TMC2: variants seen among roughly 807,000 people sequenced by gnomAD.
The protein encoded by TMC2 is transmembrane channel-like protein 2.
Under a neutral mutation model 105.9 loss-of-function variants are expected in TMC2, and 102 were observed. The observed-to-expected ratio is 0.96, with a 90% CI of 0.82 to 1.14. The LOEUF is 1.14. TMC2 is among the 50% of genes most tolerant of loss of function. TMC2 has a pLI of 0.00. For missense variants in TMC2, 1,093 were observed against 1,134.3 expected (o/e 0.96, Z 0.52); for synonymous variants, 402 against 422.8 (o/e 0.95, Z 0.60).
At chr20:2,581,572 A>G (rs934688458) in intron 7 of TMC2, among the ~76,000 whole-genome samples, 15 of 152,270 alleles carry the variant, frequency 9.9e-5, no homozygotes, top group African/African-American at 3.6e-4. Context: ...ATAGTCAGGT[A>G]AATATGAAAT....
intron 7 of TMC2, among the ~76,000 whole-genome samples, chr20:2,589,968 C>T (rs1301980333): frequency 1.3e-5 from 2 of 152,098 alleles, no homozygotes; most frequent in Non-Finnish European, 2.9e-5. Context: ...CGCGCATGGC[C>T]GGCAGTATTG....
chr20:2,643,061 A>C lies in TMC2; in HGVS notation c.*1710A>C, dbSNP rs147814681. On this transcript the variant is annotated 3_prime_UTR_variant, in exon 20 of 20. Transcript: ENST00000358864. ...GCACCAAAACTTCACATATATATAC[A>C]AACTGCAATGGAATAATAGGGACAT... 9.6e-4 allele frequency among the ~76,000 whole-genome samples: 146 copies of C among 152,324 alleles called. 1 individual carries two copies. The highest frequency in any genetic ancestry group is 3.4e-3 in the African/African-American group (143 of 41,564).
chr20:2,559,881 C>G (rs1223328140), intron 3 of TMC2, among the ~76,000 whole-genome samples: 1 of 152,084 alleles, frequency 6.6e-6, no homozygotes, highest in East Asian at 1.9e-4. Flanking sequence ...TTAGAGGGAG[C>G]CTGTACCATC....
At chr20:2,589,826 T>C (rs942730453) in intron 7 of TMC2, among the ~76,000 whole-genome samples, 16 of 152,230 alleles carry the variant, frequency 1.1e-4, no homozygotes, top group Non-Finnish European at 2.2e-4. Context: ...CCCGCCACCA[T>C]GCCCGGCTAA....
intron 7 of TMC2, among the ~76,000 whole-genome samples, chr20:2,582,506 C>T (rs2086200573): frequency 2.0e-5 from 3 of 152,164 alleles, no homozygotes; most frequent in Admixed American, 1.3e-4. Context: ...GACAGAGCCT[C>T]ATTCTATCTC....
intron 6 of TMC2, 40 bp downstream of exon 6, chr20:2,579,267 T>A: frequency 7.9e-7 from 1 of 1,268,328 alleles, no homozygotes; most frequent in Non-Finnish European, 1.2e-6. Flanking sequence ...ATTGGTTTCC[T>A]AAAGCGTTTC....
At chr20:2,617,588 C>A (rs982771456) in intron 16 of TMC2, 1 of 466,168 alleles carries the variant, frequency 2.1e-6, no homozygotes, top group East Asian at 4.1e-5. Flanking sequence ...GTATTTTTCT[C>A]ATTTATTTAT....
chr20:2,551,417 C>A (rs1362692640), intron 2 of TMC2, among the ~76,000 whole-genome samples: 1 of 146,322 alleles, frequency 6.8e-6, no homozygotes, highest in African/African-American at 2.5e-5. Context: ...TTTTTTAATT[C>A]TCTTCACAGT....
intron 7 of TMC2, among the ~76,000 whole-genome samples, chr20:2,589,269 CCTGTGTGTGTGTGTGTGT>C (rs1193514654): frequency 1.2e-5 from 1 of 84,712 alleles, no homozygotes; most frequent in Non-Finnish European, 2.2e-5. Flanking sequence ...TCCTATTTGC[CCTGTGTGTGTGTGTGTGT>C]GTGTGTGTGT....
intron 2 of TMC2, among the ~76,000 whole-genome samples, chr20:2,548,967 A>G (rs1568501701): frequency 1.3e-5 from 2 of 152,348 alleles, no homozygotes; most frequent in East Asian, 3.9e-4. Context: ...CTGAAAAACC[A>G]AAGAAGGCAT....
chr20:2,636,476 A>ACACACG (rs2086644622), intron 18 of TMC2, among the ~76,000 whole-genome samples: 1 of 151,448 alleles, frequency 6.6e-6, no homozygotes, highest in African/African-American at 2.4e-5. Context: ...ACACACACAC[A>ACACACG]CACACACACA....
chr20:2,642,066 CAG>C lies in TMC2; in HGVS notation c.*718_*719del, dbSNP rs1294346408. 8.1e-6 allele frequency among the ~76,000 whole-genome samples: 1 copy of C among 124,042 alleles called. No homozygotes were observed. Among genetic ancestry groups the C allele is most frequent in the Non-Finnish European group, 1.7e-5 (1 of 58,330 alleles). 81.4% of individuals were successfully genotyped at this position (124,042 alleles called of 152,430 possible). Reference sequence around the variant, plus strand: ...CGTCACTGCACTCCAGTCTGGGCAACAGAGTGAGACGCTGTCTTAACAACAAC... The same window carrying C: ...CGTCACTGCACTCCAGTCTGGGCAACAGTGAGACGCTGTCTTAACAACAAC... On this transcript the variant is annotated 3_prime_UTR_variant, in exon 20 of 20. Coordinates refer to ENST00000358864, the MANE Select transcript of TMC2 (RefSeq NM_080751.3).
rs527569702 is a variant in TMC2 at position 2,604,088 on chromosome 20, G to A, written c.1413+1787G>A. On this transcript the variant is annotated intron_variant, in intron 11 of 19. Coordinates refer to ENST00000358864, the MANE Select transcript of TMC2 (RefSeq NM_080751.3). ...ACAGATGAGCCAAGTGGGTCCAGAAGTCATTCAGGCACTGGCCAGCAGAAG... is the reference window on the plus strand; with the variant it reads ...ACAGATGAGCCAAGTGGGTCCAGAAATCATTCAGGCACTGGCCAGCAGAAG... 1.9e-3 allele frequency among the ~76,000 whole-genome samples: 283 copies of A among 152,336 alleles called. 5 individuals carry two copies. Among genetic ancestry groups the A allele is most frequent in the African/African-American group, 6.4e-3 (264 of 41,570 alleles).
chr20:2,629,026 C>T lies in TMC2; in HGVS notation c.2306+4630C>T, dbSNP rs369511722. ...CTGAGGCAGGAGAATGGCGTGAACC[C>T]GGGAGGCGGAGCTTGCAGTGAGCCG... is the stretch of plus-strand genomic sequence containing the variant. On this transcript the variant is annotated intron_variant, in intron 17 of 19. Transcript: ENST00000358864. 5.2e-4 allele frequency among the ~76,000 whole-genome samples: 79 copies of T among 151,580 alleles called. No individual in the cohort carries two copies. The East Asian group carries it at 0.012, about 23-fold the overall frequency.
chr20:2,559,458 G>GTC (rs995408760), intron 3 of TMC2, among the ~76,000 whole-genome samples: 1 of 152,172 alleles, frequency 6.6e-6, no homozygotes, highest in Non-Finnish European at 1.5e-5. Flanking sequence ...TTTAATAGGT[G>GTC]TCTCTCTCTT....
chr20:2,589,360 T>C (rs950376443), intron 7 of TMC2, among the ~76,000 whole-genome samples: 3 of 145,698 alleles, frequency 2.1e-5, no homozygotes, highest in Non-Finnish European at 4.5e-5. Flanking sequence ...CGGCTGGTCT[T>C]GAACTCCTGA....
At chr20:2,605,550 C>G (rs906337303) in intron 11 of TMC2, among the ~76,000 whole-genome samples, 4 of 152,216 alleles carry the variant, frequency 2.6e-5, no homozygotes, top group Admixed American at 2.6e-4. Flanking sequence ...TAGGTCCCAC[C>G]CTTGTGACCT....
intron 5 of TMC2, among the ~76,000 whole-genome samples, chr20:2,575,406 C>T (rs369121927): frequency 2.0e-5 from 3 of 151,130 alleles, no homozygotes; most frequent in Non-Finnish European, 2.9e-5. Flanking sequence ...GGAACAAAGT[C>T]GGAGAATGGC....
At chr20:2,572,042 G>T in intron 4 of TMC2, 137 bp from the exon 5 acceptor site, 1 of 675,400 alleles carries the variant, frequency 1.5e-6, no homozygotes. Flanking sequence ...AGAATGTCGT[G>T]CCTTCATGGA....
Sources: gnomAD v4.1 joint callset for allele counts (sites outside exome capture counted in the v4.1 genomes callset) on GRCh38, gnomAD v4.1.1 for gene constraint, MANE v1.5 for transcripts, NCBI Gene and HGNC (gene_info 2026-07-23, HGNC 2026-07-21) for gene names.